NFIA: variants seen among roughly 807,000 people sequenced by gnomAD.
NFIA encodes the protein nuclear factor 1 A-type.
Under a neutral mutation model 62.8 loss-of-function variants are expected in NFIA, and 8 were observed. The ratio of observed to expected loss-of-function variants is 0.13; its 90% confidence interval spans 0.07 to 0.23. The LOEUF (loss-of-function observed/expected upper bound fraction) is 0.23, where lower values mean the gene tolerates loss of function less well. NFIA is among the 10% of genes least tolerant of loss of function. The pLI, the probability that NFIA is intolerant of heterozygous loss-of-function variation, is 1.00. For missense variants in NFIA, 410 were observed against 642.1 expected (o/e 0.64, Z 3.91); for synonymous variants, 235 against 238.1 (o/e 0.99, Z 0.12).
chr1:61,342,004 G>C (rs557801171), intron 4 of NFIA, among the ~76,000 whole-genome samples: 1 of 152,200 alleles, frequency 6.6e-6, no homozygotes, highest in East Asian at 1.9e-4. Flanking sequence ...AGGGCTGTTG[G>C]TAGTGACCAT....
intron 3 of NFIA, among the ~76,000 whole-genome samples, chr1:61,280,451 G>GTA (rs4020675): frequency 0.59 from 89,533 of 151,626 alleles, 27,438 homozygotes; most frequent in Admixed American, 0.69. Flanking sequence ...GTATGTGTGT[G>GTA]TATATATATA....
chr1:61,382,268 C>G (rs1056409948), intron 6 of NFIA, among the ~76,000 whole-genome samples: 2 of 152,144 alleles, frequency 1.3e-5, no homozygotes, highest in Non-Finnish European at 2.9e-5. Flanking sequence ...ATTACAAATC[C>G]AGTAATTACA....
At chr1:61,394,519 G>C (rs886892411) in intron 7 of NFIA, among the ~76,000 whole-genome samples, 1 of 152,160 alleles carries the variant, frequency 6.6e-6, no homozygotes, top group South Asian at 2.1e-4. Flanking sequence ...ATAAGAAACT[G>C]TAGGTTTGGA....
rs1325748258 is a variant in NFIA, at chr1:61,459,316, CG to C, written c.*3997del. ...TCTTTGGGAACTGAAGTCAGAGGCA[CG>C]AACACTAACTCTTAGCATTTTTCTG... On this transcript the variant is annotated 3_prime_UTR_variant, in exon 11 of 11. Coordinates refer to ENST00000403491, the MANE Select transcript of NFIA (RefSeq NM_001134673.4). 2 of 152,386 alleles carry C rather than the reference CG, an allele frequency of 1.3e-5. No homozygotes were observed. Among genetic ancestry groups the C allele is most frequent in the Non-Finnish European group, 2.9e-5 (2 of 68,222 alleles). 9.4% of individuals were successfully genotyped at this position (152,386 alleles called of 1,614,324 possible). A position where few individuals can be genotyped will look rare whatever the true frequency, so the allele number is the denominator to read the frequency against.
At chr1:61,109,395 A>G (rs761137434) in intron 2 of NFIA, among the ~76,000 whole-genome samples, 1 of 151,896 alleles carries the variant, frequency 6.6e-6, no homozygotes. Context: ...AAAGATTCAG[A>G]GATACCACAA....
At chr1:61,078,936 A>G (rs1403403865), upstream of NFIA, among the ~76,000 whole-genome samples, 1 of 152,220 alleles carries the variant, frequency 6.6e-6, no homozygotes, top group Non-Finnish European at 1.5e-5. Flanking sequence ...TCTGACTAAA[A>G]TATCTCCATC....
At chr1:61,377,424 T>C (rs1422955318) in intron 6 of NFIA, among the ~76,000 whole-genome samples, 1 of 152,186 alleles carries the variant, frequency 6.6e-6, no homozygotes, top group Non-Finnish European at 1.5e-5. Flanking sequence ...CCAGTTGCCT[T>C]TAAGCCTTTA....
chr1:61,399,785 GT>G (rs1197852832), intron 7 of NFIA, among the ~76,000 whole-genome samples: 2 of 152,106 alleles, frequency 1.3e-5, no homozygotes, highest in African/African-American at 4.8e-5. Flanking sequence ...TTTCTAACTA[GT>G]TCTGACTCCT....
chr1:61,305,703 T>C (rs1659733904), intron 3 of NFIA, among the ~76,000 whole-genome samples: 1 of 152,184 alleles, frequency 6.6e-6, no homozygotes, highest in Non-Finnish European at 1.5e-5. Context: ...TCTTGTTTAA[T>C]CCTCAGATGG....
chr1:61,331,755 A>G (rs1661312519), intron 3 of NFIA, among the ~76,000 whole-genome samples: 1 of 152,196 alleles, frequency 6.6e-6, no homozygotes, highest in African/African-American at 2.4e-5. Context: ...ATGTTTCTGA[A>G]TGCATCATAA....
At chr1:61,272,919 C>T (rs908193112) in intron 2 of NFIA, among the ~76,000 whole-genome samples, 4 of 152,186 alleles carry the variant, frequency 2.6e-5, no homozygotes, top group Admixed American at 6.6e-5. Flanking sequence ...AGATTTAAAA[C>T]TGGACATAAA....
At chr1:61,235,833 GAAAA>G (rs1464864320) in intron 2 of NFIA, among the ~76,000 whole-genome samples, 1 of 150,830 alleles carries the variant, frequency 6.6e-6, no homozygotes, top group Non-Finnish European at 1.5e-5. Flanking sequence ...AAAAGAAAAA[GAAAA>G]AGAAAGAGAC....
intron 2 of NFIA, among the ~76,000 whole-genome samples, chr1:61,195,757 C>T (rs1651944452): frequency 6.6e-6 from 1 of 152,044 alleles, no homozygotes; most frequent in Non-Finnish European, 1.5e-5. Flanking sequence ...CTTTTTAGAA[C>T]CACAAGAAAT....
At chr1:61,336,238 T>C (rs1350138847) in intron 4 of NFIA, among the ~76,000 whole-genome samples, 1 of 152,242 alleles carries the variant, frequency 6.6e-6, no homozygotes. Context: ...ACTTTTAGCT[T>C]ATTAATTTGT....
intron 9 of NFIA, among the ~76,000 whole-genome samples, chr1:61,417,688 G>A (rs1469833847): frequency 2.6e-5 from 4 of 152,044 alleles, no homozygotes; most frequent in African/African-American, 9.7e-5. Context: ...TTTTTTAATT[G>A]TTGGAAGGCA....
chr1:61,242,089 G>A (rs1655381733), intron 2 of NFIA, among the ~76,000 whole-genome samples: 1 of 152,140 alleles, frequency 6.6e-6, no homozygotes, highest in Admixed American at 6.6e-5. Context: ...TATAGCAATT[G>A]CTTTCTGGCA....
Position 61,387,472 on chromosome 1 carries a change from T to G in NFIA, c.1075+4107T>G, listed in dbSNP as rs1039812730. Among the ~76,000 whole-genome samples the G allele has an allele frequency of 2.6e-4, 31 of 121,166 alleles. No individual in the cohort carries two copies. The South Asian group carries it at 4.5e-3, about 18-fold the overall frequency. 79.5% of individuals were successfully genotyped at this position (121,166 alleles called of 152,430 possible). On this transcript the variant is annotated intron_variant, in intron 7 of 10. Coordinates refer to ENST00000403491, the MANE Select transcript of NFIA (RefSeq NM_001134673.4). ...CCAGATCAGCTCAAGCACTTTCTTT[T>G]TTTTTTTTTTTTTTTTTTTGAGACG...
At position 61,272,335 on chromosome 1, in the gene NFIA, G is replaced by GA. The variant is rs559362721; in HGVS notation, c.560-5179dup. On this transcript the variant is annotated intron_variant, in intron 2 of 10. Transcript: ENST00000403491. ...AGTCTTTAAGGTCACGGTCATACTG[G>GA]AAAAAATAGATAATTTTCCTAAATA... is the stretch of plus-strand genomic sequence containing the variant. Among the ~76,000 whole-genome samples the GA allele has an allele frequency of 6.4e-4, 98 of 151,978 alleles. 1 individual carries two copies. The highest frequency in any genetic ancestry group is 6.8e-3 in the Middle Eastern group (2 of 294).
At chr1:61,193,208 A>G (rs1028410092) in intron 2 of NFIA, among the ~76,000 whole-genome samples, 30 of 152,368 alleles carry the variant, frequency 2.0e-4, no homozygotes, top group Admixed American at 5.9e-4. Flanking sequence ...AAACGTTCAC[A>G]TGCTTATGAA....
Sources: allele counts gnomAD v4.1 joint callset (sites outside exome capture counted in the v4.1 genomes callset), GRCh38; gene constraint gnomAD v4.1.1; transcripts MANE v1.5; gene names NCBI Gene and HGNC (gene_info 2026-07-23, HGNC 2026-07-21).